Variants in RANBP2 observed in about 807,000 individuals in gnomAD.
RANBP2 encodes the protein RAN binding protein 2, also known as E3 SUMO-protein ligase RanBP2.
A neutral mutation model predicts 303.6 loss-of-function variants in RANBP2; 57 were observed. That is an observed-to-expected ratio of 0.19 (90% confidence interval 0.15 to 0.23). The LOEUF (loss-of-function observed/expected upper bound fraction) is 0.23, where lower values mean the gene tolerates loss of function less well. Among genes scored for constraint, RANBP2 ranks in the 10% least tolerant of loss-of-function variants. The pLI, the probability that RANBP2 is intolerant of heterozygous loss-of-function variation, is 1.00. For missense variants in RANBP2, 3,138 were observed against 3,780.8 expected, an observed-to-expected ratio of 0.83 and a Z score of 4.46; for synonymous variants, 1,167 against 1,301.5, an observed-to-expected ratio of 0.90 and a Z score of 2.23.
chr2:109,241,570 C>T, the RANBP2 span, among the ~76,000 whole-genome samples: 6 of 152,106 alleles, frequency 3.9e-5, no homozygotes, highest in African/African-American at 1.4e-4. Flanking sequence ...TCTTCCCTCC[C>T]ACTTGGCCTC....
At chr2:109,736,021 A>G in the RANBP2 span, among the ~76,000 whole-genome samples, 7 of 152,266 alleles carry the variant, frequency 4.6e-5, no homozygotes, top group Admixed American at 2.6e-4. Context: ...CAGCTATGCA[A>G]CTAGCAGAGC....
chr2:109,440,629 A>G, the RANBP2 span, among the ~76,000 whole-genome samples: 1 of 152,212 alleles, frequency 6.6e-6, no homozygotes, highest in Non-Finnish European at 1.5e-5. Flanking sequence ...ACACCAGACA[A>G]CCAAGGACTG....
chr2:109,588,033 A>T, the RANBP2 span, among the ~76,000 whole-genome samples: 1 of 152,126 alleles, frequency 6.6e-6, no homozygotes, highest in African/African-American at 2.4e-5. Flanking sequence ...CGGACATTGC[A>T]GTGAGCTACA....
At chr2:109,159,579 A>G in the RANBP2 span, among the ~76,000 whole-genome samples, 2 of 152,246 alleles carry the variant, frequency 1.3e-5, no homozygotes, top group Admixed American at 6.5e-5. Flanking sequence ...TATTTATGAC[A>G]GGGGTACCCA....
At chr2:109,577,147 T>G in the RANBP2 span, among the ~76,000 whole-genome samples, 1 of 151,178 alleles carries the variant, frequency 6.6e-6, no homozygotes, top group Non-Finnish European at 1.5e-5. Context: ...CAGGAGAGAG[T>G]GGAATGATAT....
chr2:108,916,877 C>T, the RANBP2 span, among the ~76,000 whole-genome samples: 1 of 152,206 alleles, frequency 6.6e-6, no homozygotes, highest in East Asian at 1.9e-4. Flanking sequence ...AGACACTTCT[C>T]ACAAGACTGG....
chr2:108,746,208 C>CTTTTT lies in RANBP2; in HGVS notation c.976-485_976-481dup, dbSNP rs35544546. On this transcript the variant is annotated intron_variant, in intron 7 of 28. Coordinates refer to ENST00000283195, the MANE Select transcript of RANBP2 (RefSeq NM_006267.5). ...CAGGTGTGAGCCACCATGTCTGGCC[C>CTTTTT]TTTTTTTTTTTTTTTTTTTTTTGCG... Among the ~76,000 whole-genome samples, 73 of 90,554 alleles carry CTTTTT rather than the reference C, an allele frequency of 8.1e-4. 2 individuals carry two copies. The highest frequency in any genetic ancestry group is 3.4e-3 in the African/African-American group (64 of 18,592). The allele number at this position is 90,554 out of a possible 152,430, so 59.4% of individuals were successfully genotyped here. A position where few individuals can be genotyped will look rare whatever the true frequency, so the allele number is the denominator to read the frequency against.
At chr2:109,152,234 C>T in the RANBP2 span, among the ~76,000 whole-genome samples, 1 of 152,162 alleles carries the variant, frequency 6.6e-6, no homozygotes. Flanking sequence ...GTTCATTTTC[C>T]GAGGTGACAG....
chr2:108,776,965 A>G (rs899218123), intron 24 of RANBP2, among the ~76,000 whole-genome samples, 165 bp from the exon 25 acceptor site: 3 of 152,166 alleles, frequency 2.0e-5, no homozygotes, highest in African/African-American at 7.2e-5. Flanking sequence ...AATTAGTAAT[A>G]CTGAAGTAGC....
the RANBP2 span, among the ~76,000 whole-genome samples, chr2:109,622,741 A>T: frequency 6.6e-6 from 1 of 152,202 alleles, no homozygotes; most frequent in African/African-American, 2.4e-5. Flanking sequence ...TAATCATGAG[A>T]TTAAACGCCA....
chr2:109,551,454 A>G, the RANBP2 span, among the ~76,000 whole-genome samples: 4 of 152,234 alleles, frequency 2.6e-5, no homozygotes, highest in Non-Finnish European at 5.9e-5. Context: ...GCAATCTGTG[A>G]TTGCATCCTG....
chr2:109,057,717 A>C, the RANBP2 span, among the ~76,000 whole-genome samples: 3 of 152,190 alleles, frequency 2.0e-5, no homozygotes, highest in Admixed American at 1.3e-4. Flanking sequence ...GTGCAGGCTG[A>C]GGGGCCTGGC....
At chr2:109,220,283 G>C in the RANBP2 span, among the ~76,000 whole-genome samples, 1 of 152,100 alleles carries the variant, frequency 6.6e-6, no homozygotes, top group South Asian at 2.1e-4. Context: ...CTCAAAATGG[G>C]TTAAAGATCT....
At chr2:108,729,262 T>G in intron 2 of RANBP2, 63 bp downstream of exon 2, 1 of 1,486,346 alleles carries the variant, frequency 6.7e-7, no homozygotes, top group Non-Finnish European at 9.1e-7. Context: ...ATTTTCTTCT[T>G]TGAAATAGGT....
the RANBP2 span, among the ~76,000 whole-genome samples, chr2:109,051,287 T>C: frequency 6.6e-6 from 1 of 152,252 alleles, no homozygotes. Flanking sequence ...TCTGAGTTGC[T>C]GTGTCACAAG....
chr2:109,473,477 A>G, the RANBP2 span, among the ~76,000 whole-genome samples: 16 of 152,338 alleles, frequency 1.1e-4, no homozygotes, highest in Non-Finnish European at 1.8e-4. Context: ...GATGTAAAAT[A>G]GCAGATATAG....
chr2:109,542,289 T>G, the RANBP2 span, among the ~76,000 whole-genome samples: 1 of 152,294 alleles, frequency 6.6e-6, no homozygotes, highest in Non-Finnish European at 1.5e-5. Context: ...TGAAATGAAT[T>G]AAAAATTCAC....
the RANBP2 span, among the ~76,000 whole-genome samples, chr2:108,987,337 G>T: frequency 1.3e-4 from 20 of 152,226 alleles, no homozygotes; most frequent in Admixed American, 3.3e-4. Context: ...TTTAACAGAG[G>T]CAAGTAGGTT....
the RANBP2 span, among the ~76,000 whole-genome samples, chr2:109,599,722 T>C: frequency 2.6e-5 from 4 of 152,192 alleles, no homozygotes; most frequent in African/African-American, 9.7e-5. Flanking sequence ...AAATTCTTGA[T>C]AGCAGTTCAT....
Sources: allele counts gnomAD v4.1 joint callset (sites outside exome capture counted in the v4.1 genomes callset), GRCh38; gene constraint gnomAD v4.1.1; transcripts MANE v1.5; gene names NCBI Gene and HGNC (gene_info 2026-07-23, HGNC 2026-07-21).